TPCN1: variants seen among roughly 807,000 people sequenced by gnomAD.
TPCN1 encodes the protein two pore channel protein 1.
TPCN1 carries 52 observed loss-of-function variants against 108.8 expected under a neutral mutation model. That is an observed-to-expected ratio of 0.48 (90% CI 0.38 to 0.60). The LOEUF (loss-of-function observed/expected upper bound fraction) is 0.60, where lower values mean the gene tolerates loss of function less well. TPCN1 is among the 20% of genes least tolerant of loss of function. The pLI, the probability that TPCN1 is intolerant of heterozygous loss-of-function variation, is 0.00. For synonymous variants in TPCN1, 446 were observed against 433.7 expected (o/e 1.03, Z -0.35); for missense variants, 806 against 1,072.8 (o/e 0.75, Z 3.47).
intron 1 of TPCN1, among the ~76,000 whole-genome samples, chr12:113,224,212 CTG>C: frequency 6.6e-6 from 1 of 152,280 alleles, no homozygotes; most frequent in Middle Eastern, 3.4e-3. Flanking sequence ...TTTTATTTAG[CTG>C]TGGGTCCTTG....
chr12:113,252,087 AG>A (rs79056993), intron 2 of TPCN1, among the ~76,000 whole-genome samples: 8,957 of 152,096 alleles, frequency 0.059, 357 homozygotes, highest in Middle Eastern at 0.071. Context: ...GGCAGCCAGA[AG>A]CTTGGTCCTT....
rs202141110 is a variant in TPCN1 at position 113,291,990 on chromosome 12, A to G, written c.2113+32A>G. 2.5e-6 allele frequency: 4 copies of G among 1,589,208 alleles called. No individual in the cohort carries two copies. In the African/African-American group the frequency reaches 5.4e-5, roughly 21 times the overall value. On this transcript the variant is annotated intron_variant, in intron 25 of 27. Coordinates refer to ENST00000335509, the MANE Select transcript of TPCN1 (RefSeq NM_017901.6). ...GCAGGGATGATGCCTTGGGCATTTGATATCTGCCGCCTACCCAGCTCTGTC... is the reference window on the plus strand; with the variant it reads ...GCAGGGATGATGCCTTGGGCATTTGGTATCTGCCGCCTACCCAGCTCTGTC...
At chr12:113,278,955 A>G in intron 14 of TPCN1, 120 bp downstream of exon 14, 1 of 870,812 alleles carries the variant, frequency 1.1e-6, no homozygotes, top group East Asian at 2.6e-5. Context: ...TGTTTGTCTG[A>G]ATGCCTGTGT....
Position 113,272,604 on chromosome 12 carries a change from G to A in TPCN1, c.749-54G>A. ...ATTTGTCCAGTCCTTTTGACACCAG[G>A]TTTTGGGACCTCTGCTCTAATCCTT... On this transcript the variant is annotated intron_variant, in intron 7 of 27. Transcript: ENST00000335509. The surrounding 1 kb of genome is among the most constrained non-coding windows in gnomAD (Gnocchi z 4.1). The A allele has an allele frequency of 1.3e-6, 2 of 1,554,612 alleles. No homozygotes were observed. The highest frequency in any genetic ancestry group is 1.8e-6 in the Non-Finnish European group (2 of 1,125,916).
At chr12:113,253,755 G>T (rs1954731860) in intron 2 of TPCN1, among the ~76,000 whole-genome samples, 1 of 152,216 alleles carries the variant, frequency 6.6e-6, no homozygotes. Flanking sequence ...AGGCTCACCT[G>T]ATTTCAAGAG....
In TPCN1 at chr12:113,231,633, T is replaced by A. The variant is rs1160430887; in HGVS notation, c.112+4669T>A. The stretch of plus-strand genomic sequence containing the variant: ...GTGCTGCCTGTGACCTTTAACCCTA[T>A]GTGAGGGCCTTATCCCTGCAGGAAA... On this transcript the variant is annotated intron_variant, in intron 2 of 27. Coordinates refer to ENST00000335509, the MANE Select transcript of TPCN1 (RefSeq NM_017901.6). This position sits in a 1 kb window ranked among gnomAD's most constrained non-coding sequence, Gnocchi z 4.3. 6.6e-6 allele frequency among the ~76,000 whole-genome samples: 1 copy of A among 152,148 alleles called. No individual in the cohort carries two copies. Among genetic ancestry groups the A allele is most frequent in the Non-Finnish European group, 1.5e-5 (1 of 68,032 alleles).
At chr12:113,223,706 G>A (rs1023956250) in intron 1 of TPCN1, among the ~76,000 whole-genome samples, 20 of 151,996 alleles carry the variant, frequency 1.3e-4, no homozygotes, top group African/African-American at 4.6e-4. Context: ...ACCACACCTG[G>A]CTAATTTTTG....
At position 113,248,894 on chromosome 12, in the gene TPCN1, C is replaced by G. The variant is rs145305601; in HGVS notation, c.113-11474C>G. ...AATAGGCCACAGAGGGAAGAACAGACAGTAGGAAGACAGAGAAGGGATTGT... is the reference window on the plus strand; with the variant it reads ...AATAGGCCACAGAGGGAAGAACAGAGAGTAGGAAGACAGAGAAGGGATTGT... On this transcript the variant is annotated intron_variant, in intron 2 of 27. Coordinates refer to ENST00000335509, the MANE Select transcript of TPCN1 (RefSeq NM_017901.6). Among the ~76,000 whole-genome samples the G allele has an allele frequency of 1.1e-3, 166 of 152,328 alleles. 2 individuals carry two copies. Among genetic ancestry groups the G allele is most frequent in the Non-Finnish European group, 1.5e-4 (10 of 68,028 alleles).
At chr12:113,224,659 G>A (rs1953403173) in intron 1 of TPCN1, among the ~76,000 whole-genome samples, 1 of 152,120 alleles carries the variant, frequency 6.6e-6, no homozygotes, top group Non-Finnish European at 1.5e-5. Context: ...GCCTCCCAAA[G>A]TGCTGGGATT....
At chr12:113,227,360 G>A (rs551376551) in intron 2 of TPCN1, among the ~76,000 whole-genome samples, 8 of 152,280 alleles carry the variant, frequency 5.3e-5, no homozygotes, top group South Asian at 4.1e-4. Flanking sequence ...ATCTGAAACC[G>A]TTGGCAGGAA....
intron 2 of TPCN1, chr12:113,244,868 C>A: frequency 3.1e-6 from 2 of 635,646 alleles, no homozygotes; most frequent in Non-Finnish European, 3.9e-6. Context: ...GGAGGCACAG[C>A]TGGAGTGAAC....
chr12:113,290,932 T>G lies in TPCN1; in HGVS notation c.1913-20T>G. On this transcript the variant is annotated intron_variant, in intron 22 of 27. Coordinates refer to ENST00000335509, the MANE Select transcript of TPCN1 (RefSeq NM_017901.6). ...AAGTGGGGTCTCATCAGGATGCTTC[T>G]TTCTCTCTTCCCTCGGCAGTGACCC... The G allele has an allele frequency of 1.9e-6, 3 of 1,613,520 alleles. No homozygotes were observed. Among genetic ancestry groups the G allele is most frequent in the Non-Finnish European group, 2.5e-6 (3 of 1,179,826 alleles).
chr12:113,288,262 A>G lies in TPCN1; in HGVS notation c.1706+28A>G, dbSNP rs375773773. On this transcript the variant is annotated intron_variant, in intron 20 of 27. Transcript: ENST00000335509. This position sits in a 1 kb window ranked among gnomAD's most constrained non-coding sequence, Gnocchi z 4.8. ...ACTGCCAGCCCCCACCCTGGCCTGC[A>G]GGTCCAGGTGCCGTGTGGCAGTGCC... 9.3e-5 allele frequency: 150 copies of G among 1,613,152 alleles called. No individual in the cohort carries two copies. The highest frequency in any genetic ancestry group is 1.2e-4 in the Non-Finnish European group (142 of 1,179,824).
intron 2 of TPCN1, among the ~76,000 whole-genome samples, chr12:113,249,022 C>G (rs1263944525): frequency 2.6e-5 from 4 of 152,106 alleles, no homozygotes; most frequent in African/African-American, 7.2e-5. Context: ...GGCCTTTCAG[C>G]TGATTGTGGG....
rs757709971 is a variant in TPCN1 at position 113,277,237 on chromosome 12, C to T, written c.1060-3C>T. The T allele has an allele frequency of 2.9e-5, 46 of 1,612,568 alleles. No homozygotes were observed. The highest frequency in any genetic ancestry group is 1.3e-4 in the East Asian group (6 of 44,780). On this transcript the variant is annotated splice_polypyrimidine_tract_variant and splice_region_variant and intron_variant, in intron 11 of 27. Coordinates refer to ENST00000335509, the MANE Select transcript of TPCN1 (RefSeq NM_017901.6). ...TTCCACACTGCTCTTCCCTCTCCCCCAGAGGCCTGCCGGCATCTCCTACAG... is the reference window on the plus strand; with the variant it reads ...TTCCACACTGCTCTTCCCTCTCCCCTAGAGGCCTGCCGGCATCTCCTACAG...
At chr12:113,265,569 C>CCAGG (rs1955226674) in intron 3 of TPCN1, among the ~76,000 whole-genome samples, 1 of 146,452 alleles carries the variant, frequency 6.8e-6, no homozygotes, top group African/African-American at 2.5e-5. Flanking sequence ...TTTTTTGAGA[C>CCAGG]CAGGTCTTGC....
At chr12:113,292,233 A>T in intron 25 of TPCN1, 1 of 430,298 alleles carries the variant, frequency 2.3e-6, no homozygotes, top group Non-Finnish European at 4.2e-6. Flanking sequence ...TGGCAGCAGC[A>T]GCCCCTGCCC....
intron 2 of TPCN1, among the ~76,000 whole-genome samples, chr12:113,246,694 G>A (rs1954401155): frequency 6.6e-6 from 1 of 152,234 alleles, no homozygotes; most frequent in African/African-American, 2.4e-5. Context: ...AGGTCGTCCT[G>A]TCTTCTCAAG....
chr12:113,241,032 G>A (rs1273694985), intron 2 of TPCN1, among the ~76,000 whole-genome samples: 1 of 152,182 alleles, frequency 6.6e-6, no homozygotes, highest in Non-Finnish European at 1.5e-5. Flanking sequence ...TAACAGGCAT[G>A]AGCCACCGCT....
Sources: allele counts gnomAD v4.1 joint callset (sites outside exome capture counted in the v4.1 genomes callset), GRCh38; gene constraint gnomAD v4.1.1; non-coding constraint Gnocchi (gnomAD v3.1); transcripts MANE v1.5; gene names NCBI Gene and HGNC (gene_info 2026-07-23, HGNC 2026-07-21).